Variants in ATP2B2 observed in about 807,000 individuals in gnomAD.
ATP2B2 encodes the protein plasma membrane calcium-transporting ATPase 2.
ATP2B2 carries 15 observed loss-of-function variants against 120.0 expected under a neutral mutation model. That is an observed-to-expected ratio of 0.12 (90% CI 0.08 to 0.19). The LOEUF (loss-of-function observed/expected upper bound fraction) is 0.19. Ranked by LOEUF, ATP2B2 falls within the 10% of genes least tolerant of loss-of-function variation. The pLI, the probability that ATP2B2 is intolerant of heterozygous loss-of-function variation, is 1.00. For synonymous variants in ATP2B2, 694 were observed against 700.3 expected (o/e 0.99, Z 0.14); for missense variants, 1,045 against 1,719.8 (o/e 0.61, Z 6.94).
intron 2 of ATP2B2, among the ~76,000 whole-genome samples, chr3:10,565,931 T>C (rs1366299485): frequency 1.3e-5 from 2 of 152,178 alleles, no homozygotes; most frequent in East Asian, 3.9e-4. Flanking sequence ...TCCTTCCACC[T>C]ACCGACCCCC....
chr3:10,587,128 T>C (rs2068528686), intron 2 of ATP2B2, among the ~76,000 whole-genome samples: 1 of 151,536 alleles, frequency 6.6e-6, no homozygotes, highest in Non-Finnish European at 1.5e-5. Context: ...ACCCCATAGC[T>C]ACAAAAAAAC....
At chr3:10,669,478 T>TC (rs138644297) in intron 1 of ATP2B2, among the ~76,000 whole-genome samples, 4,039 of 152,182 alleles carry the variant, frequency 0.027, 77 homozygotes, top group South Asian at 0.089. Context: ...GGGGCTCACC[T>TC]CTCAACCTCA....
At chr3:10,553,270 A>C (rs1559455146) in intron 2 of ATP2B2, among the ~76,000 whole-genome samples, 2 of 152,236 alleles carry the variant, frequency 1.3e-5, no homozygotes, top group Non-Finnish European at 2.9e-5. Flanking sequence ...TCTTTCCCGG[A>C]CTGGAAGCTC....
At position 10,546,497 on chromosome 3, in the gene ATP2B2, G is replaced by A. The variant is rs556931921; in HGVS notation, c.-414-12364C>T. On this transcript the variant is annotated intron_variant, in intron 2 of 21. Transcript: ENST00000646379. ...CAGGACTTTGCCTGGTCCCGCCCCA[G>A]CTGCCAACCTCTCCACCCCGCTGGG... 2.6e-5 allele frequency among the ~76,000 whole-genome samples: 4 copies of A among 152,300 alleles called. 1 individual carries two copies. The South Asian group carries it at 8.3e-4, about 32-fold the overall frequency.
At chr3:10,669,727 C>A (rs918352029) in intron 1 of ATP2B2, among the ~76,000 whole-genome samples, 3 of 152,186 alleles carry the variant, frequency 2.0e-5, no homozygotes, top group Admixed American at 2.0e-4. Context: ...CGCCTCTGAG[C>A]CCTGGAGGTG....
At chr3:10,416,809 G>T (rs1322609938) in intron 2 of ATP2B2, among the ~76,000 whole-genome samples, 13 of 151,372 alleles carry the variant, frequency 8.6e-5, no homozygotes, top group Admixed American at 8.6e-4. Flanking sequence ...TGTCGAAAAT[G>T]CAAACGGGGA....
At chr3:10,634,243 C>T (rs113129471) in intron 1 of ATP2B2, among the ~76,000 whole-genome samples, 2 of 152,356 alleles carry the variant, frequency 1.3e-5, no homozygotes, top group African/African-American at 4.8e-5. Context: ...AGGCAAAGTG[C>T]TCCTAAGTGA....
At chr3:10,417,333 C>T (rs905160981) in intron 2 of ATP2B2, among the ~76,000 whole-genome samples, 1 of 151,284 alleles carries the variant, frequency 6.6e-6, no homozygotes, top group African/African-American at 2.4e-5. Context: ...CAGAGGGGCT[C>T]CTCATATCCC....
At chr3:10,334,751 C>T (rs931031341) in intron 22 of ATP2B2, among the ~76,000 whole-genome samples, 2 of 152,168 alleles carry the variant, frequency 1.3e-5, no homozygotes, top group Admixed American at 6.5e-5. Context: ...GTGGCCCGCG[C>T]CTCCTACTGG....
rs2061252222 is a variant in ATP2B2 at position 10,371,831 on chromosome 3, C to G, written c.1637G>C (p.Ser546Thr). The change falls in exon 12 of 23, where the codon AGC becomes ACC. Residue 546 changes from serine to threonine, a missense_variant. Physicochemically the swap from Ser to Thr is moderately conservative, Grantham distance 58. Around this residue, in one of 11 missense-constraint regions of ATP2B2, gnomAD observed 343 missense variants for 536.8 expected, o/e 0.64. Coordinates refer to ENST00000360273, the MANE Select transcript of ATP2B2 (RefSeq NM_001001331.4). ...TACCAGAATCTTGGTGGTGTAGGCG[C>G]TGTTGATGGCGATGGCATTGATCAG... Reference protein sequence around the residue: ...ELLINAIAINSAYTTKILPPE... With the variant: ...ELLINAIAINTAYTTKILPPE... 6.2e-7 allele frequency: 1 copy of G among 1,614,012 alleles called. No homozygotes were observed. The highest frequency in any genetic ancestry group is 8.5e-7 in the Non-Finnish European group (1 of 1,180,030).
At chr3:10,585,949 C>T (rs187572941) in intron 2 of ATP2B2, among the ~76,000 whole-genome samples, 1 of 152,338 alleles carries the variant, frequency 6.6e-6, no homozygotes, top group East Asian at 1.9e-4. Flanking sequence ...TGGGCTATCT[C>T]CTATCTCCAA....
chr3:10,583,523 G>A (rs897710316), intron 2 of ATP2B2, among the ~76,000 whole-genome samples: 4 of 152,112 alleles, frequency 2.6e-5, no homozygotes, highest in African/African-American at 9.7e-5. Context: ...GAGAGTGCTG[G>A]GATCTTAGGA....
At chr3:10,705,244 G>A (rs2071878561) in intron 1 of ATP2B2, among the ~76,000 whole-genome samples, 1 of 152,164 alleles carries the variant, frequency 6.6e-6, no homozygotes, top group African/African-American at 2.4e-5. Context: ...CATAGCACCA[G>A]GCTTAGACTT....
chr3:10,402,122 G>A lies in ATP2B2; in HGVS notation c.624C>T (p.Ile208=), dbSNP rs138013890. The part of the protein sequence containing the change: ...GQVVQIPVAE[I]VVGDIAQVKY... ...TGACCTGGGCTATGTCCCCAACCACGATCTCAGCCACAGGGATCTGGACCA... is the reference window on the plus strand; with the variant it reads ...TGACCTGGGCTATGTCCCCAACCACAATCTCAGCCACAGGGATCTGGACCA... Residue 208 remains isoleucine, a synonymous_variant, in exon 4 of 23, where the codon ATC becomes ATT. Coordinates refer to ENST00000360273, the MANE Select transcript of ATP2B2 (RefSeq NM_001001331.4). The surrounding 1 kb of genome is among the most constrained non-coding windows in gnomAD (Gnocchi z 4.9). The A allele has an allele frequency of 3.9e-4, 632 of 1,614,076 alleles. 3 individuals are homozygous for A. In the East Asian group the frequency reaches 0.012, roughly 31 times the overall value.
At chr3:10,571,650 T>C (rs910217531) in intron 2 of ATP2B2, among the ~76,000 whole-genome samples, 8 of 152,146 alleles carry the variant, frequency 5.3e-5, no homozygotes, top group African/African-American at 1.2e-4. Context: ...GCTCAAAGCT[T>C]TGGATGGGCT....
At chr3:10,589,750 T>C (rs79319148) in intron 2 of ATP2B2, among the ~76,000 whole-genome samples, 6,393 of 152,260 alleles carry the variant, frequency 0.042, 210 homozygotes, top group South Asian at 0.069. Context: ...GCTAAAGTAA[T>C]AATGAGAACG....
Position 10,521,919 on chromosome 3 carries a change from G to A in ATP2B2, c.-320+12120C>T, listed in dbSNP as rs1039278955. 2.6e-5 allele frequency among the ~76,000 whole-genome samples: 4 copies of A among 152,312 alleles called. No individual in the cohort carries two copies. The East Asian group carries it at 7.7e-4, about 29-fold the overall frequency. On this transcript the variant is annotated intron_variant, in intron 3 of 21. Transcript: ENST00000646379. ...CCATTTACAGAAGAGGAGACTGAGA[G>A]TCAGCGAGGGGAGGTAACTTATCCA...
intron 1 of ATP2B2, among the ~76,000 whole-genome samples, chr3:10,491,059 G>C (rs547366625): frequency 1.3e-5 from 2 of 152,020 alleles, no homozygotes; most frequent in South Asian, 4.2e-4. Flanking sequence ...TTTAATCTGA[G>C]CTCAGAGTCC....
chr3:10,406,522 A>G (rs2062417925), intron 3 of ATP2B2, among the ~76,000 whole-genome samples: 1 of 152,214 alleles, frequency 6.6e-6, no homozygotes, highest in Admixed American at 6.5e-5. Flanking sequence ...ACAGCTACCT[A>G]CAGGATTCAG....
Sources: allele counts gnomAD v4.1 joint callset (sites outside exome capture counted in the v4.1 genomes callset), GRCh38; gene constraint gnomAD v4.1.1; regional missense constraint gnomAD v4.1.1; non-coding constraint Gnocchi (gnomAD v3.1); transcripts MANE v1.5; gene names NCBI Gene and HGNC (gene_info 2026-07-23, HGNC 2026-07-21).